AFG3L2: variants seen among roughly 807,000 people sequenced by gnomAD.
The protein encoded by AFG3L2 is AFG3 like matrix AAA peptidase subunit 2.
AFG3L2 carries 54 observed loss-of-function variants against 94.5 expected under a neutral mutation model. That is an observed-to-expected ratio of 0.57 (90% CI 0.46 to 0.72). The LOEUF (loss-of-function observed/expected upper bound fraction) is 0.72, where lower values mean the gene tolerates loss of function less well. Among genes scored for constraint, AFG3L2 ranks in the 30% least tolerant of loss-of-function variants. The pLI, the probability that AFG3L2 is intolerant of heterozygous loss-of-function variation, is 0.00. For missense variants in AFG3L2, 754 were observed against 994.9 expected (o/e 0.76, Z 3.26); for synonymous variants, 377 against 365.5 (o/e 1.03, Z -0.36).
chr18:12,341,059 A>G (rs756281146), intron 14 of AFG3L2: 1 of 152,230 alleles, frequency 6.6e-6, no homozygotes, highest in Non-Finnish European at 1.5e-5. Context: ...CACCCAGCAA[A>G]TTTCTTGTCT....
At chr18:12,356,138 C>T (rs1908486987) in intron 9 of AFG3L2, among the ~76,000 whole-genome samples, 1 of 149,954 alleles carries the variant, frequency 6.7e-6, no homozygotes, top group Admixed American at 6.6e-5. Context: ...AAAAAAAATC[C>T]ACAAATAAAG....
intron 13 of AFG3L2, among the ~76,000 whole-genome samples, chr18:12,347,467 G>A (rs1040359237): frequency 1.3e-5 from 2 of 152,178 alleles, no homozygotes; most frequent in African/African-American, 2.4e-5. Context: ...CTAAGAAAAC[G>A]CACTGTGTGC....
At chr18:12,347,815 C>T (rs377363810) in intron 13 of AFG3L2, among the ~76,000 whole-genome samples, 81 of 152,264 alleles carry the variant, frequency 5.3e-4, no homozygotes, top group African/African-American at 1.9e-3. Context: ...TCCCAAAGTG[C>T]TGGGATTACA....
intron 16 of AFG3L2, 167 bp downstream of exon 16, chr18:12,337,174 C>A: frequency 1.5e-6 from 1 of 686,774 alleles, no homozygotes; most frequent in Non-Finnish European, 2.6e-6. Flanking sequence ...ACATTGCAAC[C>A]CCCGCTTGAA....
At position 12,329,493 on chromosome 18, in the gene AFG3L2, G is replaced by A; in HGVS notation, c.*72C>T. The A allele has an allele frequency of 6.7e-7, 1 of 1,491,994 alleles. No homozygotes were observed. Among genetic ancestry groups the A allele is most frequent in the Non-Finnish European group, 9.3e-7 (1 of 1,070,776 alleles). 92.4% of individuals were successfully genotyped at this position (1,491,994 alleles called of 1,614,324 possible). On this transcript the variant is annotated 3_prime_UTR_variant, in exon 17 of 17. Transcript: ENST00000269143. The stretch of plus-strand genomic sequence containing the variant: ...ATCAGCGCAGCATTCCCATTCTTCT[G>A]AAAGCCACAGCTGAAATAATGCACC...
intron 1 of AFG3L2, among the ~76,000 whole-genome samples, chr18:12,373,771 G>A (rs577260821): frequency 1.3e-5 from 2 of 152,206 alleles, no homozygotes; most frequent in Admixed American, 6.5e-5. Flanking sequence ...CATACCATGA[G>A]GGAGGAACTT....
At chr18:12,340,461 C>T (rs1346964113) in intron 14 of AFG3L2, 60 bp from the exon 15 acceptor site, 1 of 1,326,432 alleles carries the variant, frequency 7.5e-7, no homozygotes, top group African/African-American at 1.4e-5. Flanking sequence ...ATCAAAACAT[C>T]TGTGTATAAA....
chr18:12,344,343 TG>T (rs1555671305), intron 13 of AFG3L2, 96 bp from the exon 14 acceptor site: 66 of 1,054,948 alleles, frequency 6.3e-5, no homozygotes, highest in Non-Finnish European at 5.8e-6. Flanking sequence ...TTACCTAAAA[TG>T]GGGTTTGGAG....
chr18:12,359,926 C>G lies in AFG3L2; in HGVS notation c.752+1G>C, dbSNP rs1004568525. Reference sequence around the variant, plus strand: ...CTACAAAATATTATATTTGAGATTACCCATCACTTTCAGCAATGTAGACAA... The same window carrying G: ...CTACAAAATATTATATTTGAGATTAGCCATCACTTTCAGCAATGTAGACAA... On this transcript the variant is annotated splice_donor_variant, in intron 7 of 16. Coordinates refer to ENST00000269143, the MANE Select transcript of AFG3L2 (RefSeq NM_006796.3). LOFTEE classifies it high-confidence loss of function. 6.2e-7 allele frequency: 1 copy of G among 1,613,110 alleles called. No individual in the cohort carries two copies. The highest frequency in any genetic ancestry group is 1.7e-5 in the Admixed American group (1 of 60,004).
At chr18:12,344,835 C>A (rs1303626628) in intron 13 of AFG3L2, among the ~76,000 whole-genome samples, 2 of 152,176 alleles carry the variant, frequency 1.3e-5, no homozygotes, top group East Asian at 1.9e-4. Context: ...CTAACTCTCT[C>A]ACTTTTAAGC....
intron 9 of AFG3L2, 89 bp downstream of exon 9, chr18:12,356,605 G>T (rs752306820): frequency 2.5e-6 from 4 of 1,583,326 alleles, no homozygotes; most frequent in Non-Finnish European, 3.5e-6. Context: ...AGCACTCTAG[G>T]GGGAAGGGCC....
At chr18:12,332,760 T>C (rs1907576324) in intron 16 of AFG3L2, among the ~76,000 whole-genome samples, 2 of 149,620 alleles carry the variant, frequency 1.3e-5, no homozygotes, top group East Asian at 3.9e-4. Flanking sequence ...TTTAAAAATA[T>C]ATTGTCTGCA....
intron 14 of AFG3L2, chr18:12,342,350 C>A (rs1907980270): frequency 6.6e-6 from 1 of 152,120 alleles, no homozygotes; most frequent in Admixed American, 6.5e-5. Flanking sequence ...ACTCATATAC[C>A]TTCTGGGAAA....
intron 6 of AFG3L2, among the ~76,000 whole-genome samples, chr18:12,362,092 G>C (rs1201297613): frequency 1.3e-5 from 2 of 152,224 alleles, no homozygotes; most frequent in Admixed American, 6.5e-5. Flanking sequence ...AGTTTTAATA[G>C]CTTTCTAGAC....
chr18:12,367,580 C>G (rs991198566), intron 3 of AFG3L2, among the ~76,000 whole-genome samples, 198 bp from the exon 4 acceptor site: 4 of 152,178 alleles, frequency 2.6e-5, no homozygotes, highest in Non-Finnish European at 5.9e-5. Flanking sequence ...GCTATACTTG[C>G]ATCATCTCAT....
intron 16 of AFG3L2, among the ~76,000 whole-genome samples, chr18:12,333,039 T>A (rs866849145): frequency 2.0e-3 from 91 of 45,070 alleles, no homozygotes; most frequent in African/African-American, 4.4e-3. Context: ...TAAAAATATA[T>A]AATCTATTAT....
At chr18:12,335,882 C>T (rs1907726375) in intron 16 of AFG3L2, among the ~76,000 whole-genome samples, 1 of 152,228 alleles carries the variant, frequency 6.6e-6, no homozygotes, top group Non-Finnish European at 1.5e-5. Flanking sequence ...TGTGCACCGA[C>T]AGCATGGATT....
intron 13 of AFG3L2, among the ~76,000 whole-genome samples, chr18:12,345,054 G>A (rs888922718): frequency 2.0e-5 from 3 of 152,242 alleles, no homozygotes; most frequent in Non-Finnish European, 2.9e-5. Context: ...AGGCAGAAGA[G>A]AGTCTGAGAA....
intron 16 of AFG3L2, among the ~76,000 whole-genome samples, chr18:12,332,968 T>C (rs1234169017): frequency 5.5e-4 from 17 of 30,818 alleles, no homozygotes; most frequent in South Asian, 5.0e-3. Context: ...CTATAATATA[T>C]TATATATTAT....
Sources: allele counts gnomAD v4.1 joint callset (sites outside exome capture counted in the v4.1 genomes callset), GRCh38; gene constraint gnomAD v4.1.1; transcripts MANE v1.5; gene names NCBI Gene and HGNC (gene_info 2026-07-23, HGNC 2026-07-21).